Variants in CRY1 observed in about 807,000 individuals in gnomAD.
CRY1 encodes the protein cryptochrome-1.
A neutral mutation model predicts 76.0 loss-of-function variants in CRY1; 45 were observed. The ratio of observed to expected loss-of-function variants is 0.59; its 90% CI spans 0.47 to 0.76. The LOEUF is 0.76. Ranked by LOEUF, CRY1 falls within the 30% of genes least tolerant of loss-of-function variation. The pLI is 0.00. For missense variants in CRY1, 587 were observed against 716.4 expected, an observed-to-expected ratio of 0.82 and a Z score of 2.06; for synonymous variants, 248 against 244.0, an observed-to-expected ratio of 1.02 and a Z score of -0.15.
At chr12:107,084,522 A>C (rs1278257928) in intron 1 of CRY1, among the ~76,000 whole-genome samples, 1 of 152,182 alleles carries the variant, frequency 6.6e-6, no homozygotes, top group African/African-American at 2.4e-5. Flanking sequence ...CTCAGAAATA[A>C]CACCACACAC....
At chr12:107,050,230 G>A (rs1303032025) in intron 1 of CRY1, 1 of 152,084 alleles carries the variant, frequency 6.6e-6, no homozygotes, top group Non-Finnish European at 1.5e-5. Context: ...GGCAAGGGGA[G>A]GGAAGTTTGG....
intron 1 of CRY1, among the ~76,000 whole-genome samples, chr12:107,027,461 A>G (rs1952629370): frequency 6.6e-6 from 1 of 152,192 alleles, no homozygotes; most frequent in South Asian, 2.1e-4. Context: ...AAATAGGCCA[A>G]ATGATAGTAA....
rs185668283 is a variant in CRY1, at chr12:106,998,790, C to T, written c.1138-724G>A. On this transcript the variant is annotated intron_variant, in intron 7 of 12. Coordinates refer to ENST00000008527, the MANE Select transcript of CRY1 (RefSeq NM_004075.5). ...GGGCACGGTGGCTCATGCGTGTAAT[C>T]CCAGCACTTTGGGAGGCTGAGGCAG... Among the ~76,000 whole-genome samples, 88 of 151,956 alleles carry T rather than the reference C, an allele frequency of 5.8e-4. No individual in the cohort carries two copies. In the East Asian group the frequency reaches 0.014, roughly 24 times the overall value.
intron 12 of CRY1, 121 bp from the exon 13 acceptor site, chr12:106,992,122 CAT>C (rs1473063266): frequency 1.3e-5 from 2 of 151,834 alleles, no homozygotes; most frequent in Non-Finnish European, 2.9e-5. Flanking sequence ...ATTAGGTTGA[CAT>C]AAAAAAACTA....
At chr12:107,027,233 T>C (rs1952626705) in intron 1 of CRY1, among the ~76,000 whole-genome samples, 1 of 152,170 alleles carries the variant, frequency 6.6e-6, no homozygotes, top group Non-Finnish European at 1.5e-5. Context: ...AGTTCAACTT[T>C]AATGTAATAG....
intron 1 of CRY1, among the ~76,000 whole-genome samples, chr12:107,022,572 C>G (rs1440148690): frequency 1.3e-5 from 2 of 151,426 alleles, no homozygotes; most frequent in Non-Finnish European, 2.9e-5. Context: ...CTTGAAAAAT[C>G]TAGAATATCT....
intron 2 of CRY1, among the ~76,000 whole-genome samples, chr12:107,014,381 C>T (rs1386412633): frequency 6.6e-6 from 1 of 152,238 alleles, no homozygotes; most frequent in East Asian, 1.9e-4. Flanking sequence ...GATCCTCCGG[C>T]ATACTCATCT....
At chr12:107,036,838 T>C (rs935068185) in intron 1 of CRY1, among the ~76,000 whole-genome samples, 1 of 152,122 alleles carries the variant, frequency 6.6e-6, no homozygotes, top group South Asian at 2.1e-4. Context: ...TCTCTTTCTT[T>C]AGGTCATTGC....
At chr12:107,048,591 T>C (rs901148823) in intron 1 of CRY1, among the ~76,000 whole-genome samples, 1 of 152,216 alleles carries the variant, frequency 6.6e-6, no homozygotes, top group Non-Finnish European at 1.5e-5. Flanking sequence ...ACCGTATGTC[T>C]CTCATGCTAT....
Position 106,997,683 on chromosome 12 carries a change from A to G in CRY1, c.1297T>C (p.Leu433=), listed in dbSNP as rs768413963. ...DPNGDYIRRY[L]PVLRGFPAKY... is the part of the protein sequence containing the mutation. Reference sequence around the variant, plus strand: ...GCAGGGAAGCCTCTTAGGACAGGCAAATAACGCCTTTGGGAGAAAAAAGAA... The same window carrying G: ...GCAGGGAAGCCTCTTAGGACAGGCAGATAACGCCTTTGGGAGAAAAAAGAA... Residue 433 remains leucine, a synonymous_variant, in exon 9 of 13, where the codon TTG becomes CTG. Transcript: ENST00000008527. 1.2e-6 allele frequency: 2 copies of G among 1,614,012 alleles called. No homozygotes were observed. Among genetic ancestry groups the G allele is most frequent in the Non-Finnish European group, 1.7e-6 (2 of 1,179,944 alleles).
rs969417086 is a variant in CRY1, at chr12:106,991,905, G to T, written c.*97C>A. 1 of 152,402 alleles carries T rather than the reference G, an allele frequency of 6.6e-6. No individual in the cohort carries two copies. The allele number at this position is 152,402 out of a possible 1,614,324, so 9.4% of individuals were successfully genotyped here. A position where few individuals can be genotyped will look rare whatever the true frequency, so the allele number is the denominator to read the frequency against. ...AAACAACATATTTCAATATGTAACT[G>T]CTTTCCATCAATGAAGAATATTTTT... On this transcript the variant is annotated 3_prime_UTR_variant, in exon 13 of 13. Coordinates refer to ENST00000008527, the MANE Select transcript of CRY1 (RefSeq NM_004075.5).
intron 2 of CRY1, among the ~76,000 whole-genome samples, chr12:107,010,453 T>C (rs765966215): frequency 3.3e-5 from 5 of 152,242 alleles, no homozygotes; most frequent in Admixed American, 6.5e-5. Flanking sequence ...GTGCATTTTA[T>C]AAATCAAAGG....
intron 1 of CRY1, among the ~76,000 whole-genome samples, chr12:107,061,177 G>T (rs1953042014): frequency 6.6e-6 from 1 of 151,904 alleles, no homozygotes; most frequent in South Asian, 2.1e-4. Context: ...ATATTAAAAT[G>T]TTTAATAAAA....
intron 1 of CRY1, among the ~76,000 whole-genome samples, chr12:107,062,103 T>A (rs1157105278): frequency 2.0e-5 from 3 of 149,648 alleles, no homozygotes; most frequent in African/African-American, 7.4e-5. Context: ...ACATTCAACA[T>A]TAAAAATCCT....
chr12:107,019,967 T>A (rs1200175787), intron 2 of CRY1, among the ~76,000 whole-genome samples: 1 of 152,160 alleles, frequency 6.6e-6, no homozygotes, highest in Non-Finnish European at 1.5e-5. Flanking sequence ...ATTCATTTTA[T>A]TTATATCAAA....
rs535953330 is a variant in CRY1 at position 107,001,705 on chromosome 12, C to A, written c.595+59G>T. 9.2e-5 allele frequency: 129 copies of A among 1,397,680 alleles called. No homozygotes were observed. The East Asian group carries it at 2.0e-3, about 22-fold the overall frequency. 86.6% of individuals were successfully genotyped at this position (1,397,680 alleles called of 1,614,324 possible). A position where few individuals can be genotyped will look rare whatever the true frequency, so the allele number is the denominator to read the frequency against. ...ATGGCAAAATTAAAAGGGGAATTTT[C>A]TGAGTAATTTATGATTTATTAACTT... On this transcript the variant is annotated intron_variant, in intron 4 of 12. Transcript: ENST00000008527.
chr12:107,034,825 A>G (rs1952715830), intron 1 of CRY1, among the ~76,000 whole-genome samples: 1 of 152,214 alleles, frequency 6.6e-6, no homozygotes, highest in Non-Finnish European at 1.5e-5. Context: ...AAATAAATAC[A>G]TAAATAAGCG....
At chr12:107,011,360 C>CA (rs57985768) in intron 2 of CRY1, among the ~76,000 whole-genome samples, 82 of 144,086 alleles carry the variant, frequency 5.7e-4, no homozygotes, top group African/African-American at 6.6e-4. Context: ...AAAAAACAAA[C>CA]AAAAAAAAAA....
intron 2 of CRY1, among the ~76,000 whole-genome samples, chr12:107,016,800 A>G (rs776516994): frequency 1.1e-4 from 16 of 152,184 alleles, no homozygotes; most frequent in Non-Finnish European, 1.8e-4. Context: ...TTGTTCCTCC[A>G]TAGTCTGTTA....
Sources: gnomAD v4.1 joint callset for allele counts (sites outside exome capture counted in the v4.1 genomes callset) on GRCh38, gnomAD v4.1.1 for gene constraint, MANE v1.5 for transcripts, NCBI Gene and HGNC (gene_info 2026-07-23, HGNC 2026-07-21) for gene names.